The following CPD variants were observed in gnomAD, a reference collection of about 807,000 sequenced individuals.
CPD encodes the protein metallocarboxypeptidase D.
Under a neutral mutation model 138.3 loss-of-function variants are expected in CPD, and 69 were observed. That is an observed-to-expected ratio of 0.50 (90% CI 0.41 to 0.61). The LOEUF (loss-of-function observed/expected upper bound fraction) is 0.61, where lower values mean the gene tolerates loss of function less well. Ranked by LOEUF, CPD falls within the 20% of genes least tolerant of loss-of-function variation. CPD has a pLI of 0.00. For missense variants in CPD, 1,432 were observed against 1,733.3 expected (o/e 0.83, Z 3.09); for synonymous variants, 651 against 642.1 (o/e 1.01, Z -0.21).
chr17:30,435,001 G>A (rs1008060845), intron 8 of CPD, among the ~76,000 whole-genome samples: 6 of 151,976 alleles, frequency 3.9e-5, no homozygotes, highest in Admixed American at 3.3e-4. Context: ...AAAAATAATC[G>A]AGAAGCAGAA....
chr17:30,441,948 C>G (rs937512673), intron 9 of CPD, among the ~76,000 whole-genome samples: 5 of 150,038 alleles, frequency 3.3e-5, no homozygotes, highest in Admixed American at 6.7e-5. Flanking sequence ...GGAGGATTCC[C>G]TCTTTTTCTA....
chr17:30,387,539 T>A (rs1449187246), intron 2 of CPD, among the ~76,000 whole-genome samples: 2 of 152,218 alleles, frequency 1.3e-5, no homozygotes, highest in Admixed American at 6.5e-5. Context: ...TATGCACAGA[T>A]GTAGATGTAG....
At chr17:30,435,774 AG>A (rs1439368176) in intron 8 of CPD, among the ~76,000 whole-genome samples, 1 of 152,156 alleles carries the variant, frequency 6.6e-6, no homozygotes, top group Non-Finnish European at 1.5e-5. Context: ...ATAGTTTTGG[AG>A]GCCAGAAGTC....
At chr17:30,402,238 G>A (rs765935771) in intron 2 of CPD, among the ~76,000 whole-genome samples, 1 of 151,410 alleles carries the variant, frequency 6.6e-6, no homozygotes, top group African/African-American at 2.4e-5. Flanking sequence ...TGCATGTTTG[G>A]TATCTTTCTT....
chr17:30,386,056 G>A (rs970453249), intron 2 of CPD, among the ~76,000 whole-genome samples: 10 of 151,952 alleles, frequency 6.6e-5, no homozygotes, highest in Non-Finnish European at 5.9e-5. Flanking sequence ...AAGAGATAGG[G>A]TCTCACTCTG....
intron 17 of CPD, among the ~76,000 whole-genome samples, chr17:30,459,210 TTTA>T (rs1237370813): frequency 4.1e-5 from 6 of 145,352 alleles, no homozygotes; most frequent in African/African-American, 1.5e-4. Flanking sequence ...TTTATTTTTA[TTTA>T]TTATTTATTA....
intron 2 of CPD, among the ~76,000 whole-genome samples, chr17:30,411,746 T>TG (rs1306292016): frequency 6.6e-6 from 1 of 152,246 alleles, no homozygotes; most frequent in African/African-American, 2.4e-5. Flanking sequence ...TTTATTCTAG[T>TG]TAGCCATTCG....
At chr17:30,426,692 C>G (rs1413281898) in intron 6 of CPD, among the ~76,000 whole-genome samples, 1 of 152,246 alleles carries the variant, frequency 6.6e-6, no homozygotes, top group Non-Finnish European at 1.5e-5. Context: ...TTTAATTACA[C>G]ATACATGTTA....
intron 6 of CPD, among the ~76,000 whole-genome samples, chr17:30,426,360 T>C (rs1195402266): frequency 6.6e-6 from 1 of 152,242 alleles, no homozygotes; most frequent in Non-Finnish European, 1.5e-5. Flanking sequence ...TCAGTCTCCC[T>C]GAAGGCTCAG....
In CPD at chr17:30,464,775, A is replaced by G; in HGVS notation, c.4104A>G (p.Thr1368=). The change falls in exon 21 of 21, where the codon ACA becomes ACG. Residue 1368 remains threonine, a synonymous_variant. Transcript: ENST00000225719. ...SLLSHEFQDE[T]DTEEETLYSS... Reference sequence around the variant, plus strand: ...TAAGCCATGAGTTCCAGGATGAAACAGACACTGAAGAGGAAACATTATATT... The same window carrying G: ...TAAGCCATGAGTTCCAGGATGAAACGGACACTGAAGAGGAAACATTATATT... 6.2e-7 allele frequency: 1 copy of G among 1,613,990 alleles called. No individual in the cohort carries two copies. Among genetic ancestry groups the G allele is most frequent in the Middle Eastern group, 1.7e-4 (1 of 6,060 alleles).
chr17:30,431,856 A>T lies in CPD; in HGVS notation c.2102A>T (p.Gln701Leu). The part of the protein sequence containing the change: ...YSKSPDDAVF[Q>L]QIALSYSKEN... ...AAATCACCAGATGATGCTGTGTTCC[A>T]ACAAATAGCACTTTCTTATTCCAAG... The change falls in exon 8 of 21, where the codon CAA (glutamine) becomes CTA (leucine). Residue 701 changes from glutamine to leucine, a missense_variant. Gln to Leu is a moderately radical substitution (Grantham distance 113). Around this residue, in one of 6 missense-constraint regions of CPD, gnomAD observed 297 missense variants for 405.3 expected, o/e 0.73. Coordinates refer to ENST00000225719, the MANE Select transcript of CPD (RefSeq NM_001304.5). The T allele has an allele frequency of 6.2e-7, 1 of 1,608,702 alleles. No homozygotes were observed. The highest frequency in any genetic ancestry group is 8.5e-7 in the Non-Finnish European group (1 of 1,176,206).
rs751275448 is a variant in CPD, at chr17:30,421,744, T to C, written c.1218T>C (p.Gly406=). The C allele has an allele frequency of 3.1e-6, 5 of 1,613,102 alleles. No individual in the cohort carries two copies. Among genetic ancestry groups the C allele is most frequent in the Non-Finnish European group, 4.2e-6 (5 of 1,179,500 alleles). Residue 406 remains glycine, a synonymous_variant, in exon 4 of 21, where the codon GGT becomes GGC. Coordinates refer to ENST00000225719, the MANE Select transcript of CPD (RefSeq NM_001304.5). The part of the protein sequence containing the change: ...GLENATISVA[G]INHNITTGRF... ...AGAATGCAACCATCTCAGTGGCTGG[T>C]ATTAATCATAATATCACAACAGGCA... is the stretch of plus-strand genomic sequence containing the variant.
chr17:30,386,550 T>G (rs1287232215), intron 2 of CPD, among the ~76,000 whole-genome samples: 1 of 152,146 alleles, frequency 6.6e-6, no homozygotes, highest in African/African-American at 2.4e-5. Context: ...TTTCTAAAAC[T>G]TGTTCATCAT....
chr17:30,456,415 T>G, intron 16 of CPD, 47 bp from the exon 17 acceptor site: 2 of 1,611,296 alleles, frequency 1.2e-6, no homozygotes, highest in Non-Finnish European at 1.7e-6. Context: ...GGAAAGGAGT[T>G]TCACCTTAAG....
chr17:30,390,529 G>A (rs1175749708), intron 2 of CPD, among the ~76,000 whole-genome samples: 1 of 152,134 alleles, frequency 6.6e-6, no homozygotes, highest in African/African-American at 2.4e-5. Flanking sequence ...ACTGTATTAG[G>A]TGATGTACCG....
Position 30,464,682 on chromosome 17 carries a change from C to T in CPD, c.4011C>T (p.Leu1337=), listed in dbSNP as rs1913586872. The change falls in exon 21 of 21, where the codon CTC becomes CTT. Residue 1337 remains leucine, a synonymous_variant. Transcript: ENST00000225719. The part of the protein sequence containing the change: ...SNRHKDGFHR[L]RQHHDEYEDE... ...GACACAAGGATGGCTTTCATCGGCT[C>T]AGGCAGCATCATGATGAGTATGAAG... 5.0e-6 allele frequency: 8 copies of T among 1,613,992 alleles called. No homozygotes were observed. The highest frequency in any genetic ancestry group is 6.8e-6 in the Non-Finnish European group (8 of 1,179,896).
chr17:30,419,390 A>C (rs912882763), intron 2 of CPD, among the ~76,000 whole-genome samples: 17 of 152,134 alleles, frequency 1.1e-4, no homozygotes, highest in Non-Finnish European at 2.1e-4. Flanking sequence ...CCCAGGCTGG[A>C]GTGCAGTGGC....
At chr17:30,455,123 A>G (rs955815125) in intron 14 of CPD, 13 of 479,858 alleles carry the variant, frequency 2.7e-5, no homozygotes, top group Non-Finnish European at 2.6e-5. Context: ...AGTCATTAGT[A>G]TATACACATC....
At chr17:30,438,670 G>A (rs1912768371) in intron 8 of CPD, among the ~76,000 whole-genome samples, 1 of 152,074 alleles carries the variant, frequency 6.6e-6, no homozygotes, top group Non-Finnish European at 1.5e-5. Context: ...ATTTTTTTTA[G>A]AGAGGGGTTC....
Sources: allele counts gnomAD v4.1 joint callset (sites outside exome capture counted in the v4.1 genomes callset), GRCh38; gene constraint gnomAD v4.1.1; regional missense constraint gnomAD v4.1.1; transcripts MANE v1.5; gene names NCBI Gene and HGNC (gene_info 2026-07-23, HGNC 2026-07-21).